The following SOX5 variants were observed in gnomAD, a reference collection of about 807,000 sequenced individuals.
SOX5 encodes the protein SRY-box transcription factor 5.
SOX5 carries 9 observed loss-of-function variants against 92.0 expected under a neutral mutation model. That is an observed-to-expected ratio of 0.10 (90% CI 0.06 to 0.17). The LOEUF (loss-of-function observed/expected upper bound fraction) is 0.17. SOX5 is among the 10% of genes least tolerant of loss of function. The pLI, the probability that SOX5 is intolerant of heterozygous loss-of-function variation, is 1.00. For missense variants in SOX5, 642 were observed against 944.5 expected (o/e 0.68, Z 4.20); for synonymous variants, 344 against 336.3 (o/e 1.02, Z -0.25).
intron 2 of SOX5, among the ~76,000 whole-genome samples, chr12:23,851,487 CAAATT>C (rs1337817579): frequency 1.2e-4 from 19 of 152,142 alleles, no homozygotes; most frequent in African/African-American, 4.6e-4. Flanking sequence ...TTAAGATTAT[CAAATT>C]AAATACTCTG....
chr12:23,584,446 T>C (rs765490285), intron 9 of SOX5: 21 of 922,614 alleles, frequency 2.3e-5, no homozygotes, highest in Non-Finnish European at 3.8e-5. Context: ...GATAACAACC[T>C]GGCAGAGTGG....
At chr12:24,211,703 G>A (rs1253742497) in intron 4 of SOX5, among the ~76,000 whole-genome samples, 1 of 152,174 alleles carries the variant, frequency 6.6e-6, no homozygotes, top group East Asian at 1.9e-4. Flanking sequence ...AAGAAACATA[G>A]ATTTAGTTCT....
At chr12:24,403,002 C>A (rs991143200) in intron 1 of SOX5, among the ~76,000 whole-genome samples, 1 of 152,108 alleles carries the variant, frequency 6.6e-6, no homozygotes, top group Non-Finnish European at 1.5e-5. Flanking sequence ...ATCTTTCTTG[C>A]CAATAGGATA....
At chr12:23,947,696 T>C (rs1437731264) in intron 1 of SOX5, among the ~76,000 whole-genome samples, 1 of 150,624 alleles carries the variant, frequency 6.6e-6, no homozygotes, top group Non-Finnish European at 1.5e-5. Context: ...AGCATGCCTC[T>C]GGGTGAAAAA....
chr12:24,353,741 A>C (rs542945111), intron 2 of SOX5, among the ~76,000 whole-genome samples: 1 of 152,172 alleles, frequency 6.6e-6, no homozygotes, highest in South Asian at 2.1e-4. Context: ...CCCGGCTTCA[A>C]ACAATTCTCC....
At chr12:24,497,143 TA>T (rs1345062634) in intron 1 of SOX5, among the ~76,000 whole-genome samples, 5 of 152,262 alleles carry the variant, frequency 3.3e-5, no homozygotes, top group African/African-American at 1.2e-4. Flanking sequence ...GTTTCTCATA[TA>T]ATTTTACAGT....
intron 4 of SOX5, among the ~76,000 whole-genome samples, chr12:24,177,311 T>C (rs1332798866): frequency 6.6e-6 from 1 of 152,196 alleles, no homozygotes; most frequent in Non-Finnish European, 1.5e-5. Flanking sequence ...ATATAAGCAA[T>C]CTAATTCCAA....
At chr12:24,164,256 T>G (rs16927282) in intron 4 of SOX5, among the ~76,000 whole-genome samples, 4,351 of 152,194 alleles carry the variant, frequency 0.029, 161 homozygotes, top group African/African-American at 0.089. Flanking sequence ...GCTGATGTTT[T>G]ATTGTTCAAA....
intron 2 of SOX5, among the ~76,000 whole-genome samples, chr12:24,284,375 T>G (rs978499629): frequency 3.3e-5 from 5 of 152,046 alleles, no homozygotes; most frequent in African/African-American, 9.7e-5. Context: ...GTTTCACTAC[T>G]GGGAGGAGAG....
intron 4 of SOX5, among the ~76,000 whole-genome samples, chr12:23,962,395 G>A (rs1226604825): frequency 1.3e-5 from 2 of 152,000 alleles, no homozygotes; most frequent in Non-Finnish European, 2.9e-5. Context: ...ACGCAGGTAC[G>A]CACGCAAGCA....
chr12:24,303,226 T>C (rs1241183669), intron 2 of SOX5, among the ~76,000 whole-genome samples: 1 of 152,214 alleles, frequency 6.6e-6, no homozygotes, highest in African/African-American at 2.4e-5. Flanking sequence ...TCATTAAAAA[T>C]GAGTAAAATT....
intron 1 of SOX5, among the ~76,000 whole-genome samples, chr12:23,918,817 T>C (rs11047165): frequency 0.25 from 38,530 of 151,614 alleles, 5,255 homozygotes; most frequent in Middle Eastern, 0.34. Context: ...CTCAGGCGGC[T>C]GAGGCAGGAG....
At chr12:23,616,252 C>T (rs548642317) in intron 8 of SOX5, among the ~76,000 whole-genome samples, 127 of 152,222 alleles carry the variant, frequency 8.3e-4, no homozygotes, top group African/African-American at 2.7e-3. Flanking sequence ...CAAACCTGAG[C>T]GGAAAGGGAC....
intron 5 of SOX5, among the ~76,000 whole-genome samples, chr12:23,736,757 C>G (rs1230982955): frequency 6.8e-6 from 1 of 146,518 alleles, no homozygotes; most frequent in Non-Finnish European, 1.5e-5. Context: ...ATGGCGCGAT[C>G]TCAGCTTACT....
At chr12:24,089,732 A>T (rs1944420210) in intron 4 of SOX5, among the ~76,000 whole-genome samples, 1 of 152,184 alleles carries the variant, frequency 6.6e-6, no homozygotes, top group Non-Finnish European at 1.5e-5. Flanking sequence ...CCAGATTGCC[A>T]TAGAGATTCC....
At chr12:23,820,483 C>T (rs1473061866) in intron 3 of SOX5, among the ~76,000 whole-genome samples, 10 of 152,168 alleles carry the variant, frequency 6.6e-5, no homozygotes, top group Non-Finnish European at 1.3e-4. Context: ...GTGTTTCAGT[C>T]ATGAAATCTT....
intron 1 of SOX5, among the ~76,000 whole-genome samples, chr12:24,480,900 G>T (rs1015758402): frequency 1.3e-5 from 2 of 151,972 alleles, no homozygotes; most frequent in Non-Finnish European, 2.9e-5. Flanking sequence ...CCATCCCACG[G>T]CTGGGTATGT....
At chr12:23,706,258 A>G (rs2091377536) in intron 6 of SOX5, among the ~76,000 whole-genome samples, 1 of 152,140 alleles carries the variant, frequency 6.6e-6, no homozygotes, top group Admixed American at 6.6e-5. Context: ...GATATTCTCT[A>G]ATAACTGGTC....
intron 4 of SOX5, among the ~76,000 whole-genome samples, chr12:24,075,888 A>G (rs1335769922): frequency 6.6e-6 from 1 of 152,202 alleles, no homozygotes; most frequent in African/African-American, 2.4e-5. Context: ...ATTCCTGCAT[A>G]CAAAGGCAAG....
Sources: allele counts gnomAD v4.1 joint callset (sites outside exome capture counted in the v4.1 genomes callset), GRCh38; gene constraint gnomAD v4.1.1; transcripts MANE v1.5; gene names NCBI Gene and HGNC (gene_info 2026-07-23, HGNC 2026-07-21).